The following CHSY3 variants were observed in gnomAD, a reference collection of about 807,000 sequenced individuals.
The protein encoded by CHSY3 is N-acetylgalactosaminyl-proteoglycan 3-beta-glucuronosyltransferase 3.
CHSY3 carries 35 observed loss-of-function variants against 67.2 expected under a neutral mutation model. The observed-to-expected ratio is 0.52, with a 90% CI of 0.40 to 0.69. The LOEUF (loss-of-function observed/expected upper bound fraction) is 0.69. CHSY3 is among the 30% of genes least tolerant of loss of function. The pLI is 0.00. For synonymous variants in CHSY3, 474 were observed against 434.7 expected (o/e 1.09, Z -1.12); for missense variants, 1,069 against 1,138.5 (o/e 0.94, Z 0.88).
At chr5:130,003,364 GTTTA>G in intron 2 of CHSY3, among the ~76,000 whole-genome samples, 2 of 152,260 alleles carry the variant, frequency 1.3e-5, no homozygotes, top group Admixed American at 1.3e-4. Context: ...TCCCTTTGGG[GTTTA>G]TTATGGTCAG....
intron 2 of CHSY3, among the ~76,000 whole-genome samples, chr5:130,014,204 T>C (rs1367140905): frequency 6.6e-6 from 1 of 152,186 alleles, no homozygotes; most frequent in Non-Finnish European, 1.5e-5. Flanking sequence ...CCCACATTTT[T>C]CTGTCTTCTT....
chr5:130,046,104 A>G (rs1765139461), intron 2 of CHSY3, among the ~76,000 whole-genome samples: 1 of 152,128 alleles, frequency 6.6e-6, no homozygotes, highest in South Asian at 2.1e-4. Context: ...GAAAACTACC[A>G]TATTAAAGGG....
intron 2 of CHSY3, among the ~76,000 whole-genome samples, chr5:129,936,468 C>G (rs1010409484): frequency 6.6e-6 from 1 of 152,034 alleles, no homozygotes; most frequent in African/African-American, 2.4e-5. Flanking sequence ...ACTCACCAGA[C>G]CTTAGTCACC....
chr5:130,119,122 A>G (rs1205370948), intron 2 of CHSY3, among the ~76,000 whole-genome samples: 2 of 152,180 alleles, frequency 1.3e-5, no homozygotes, highest in Admixed American at 6.5e-5. Flanking sequence ...GAGGGTATCA[A>G]ACCCTCTCAT....
chr5:129,996,118 G>A (rs989836723), intron 2 of CHSY3, among the ~76,000 whole-genome samples: 3 of 152,126 alleles, frequency 2.0e-5, no homozygotes, highest in African/African-American at 7.2e-5. Context: ...TCTTAAAAAT[G>A]GGGTAATAAT....
chr5:130,045,441 G>C (rs780188615), intron 2 of CHSY3, among the ~76,000 whole-genome samples: 4 of 152,028 alleles, frequency 2.6e-5, no homozygotes, highest in Admixed American at 2.6e-4. Flanking sequence ...GTGGAGATGT[G>C]AATGAGGGGA....
chr5:130,026,680 C>T (rs745585280), intron 2 of CHSY3, among the ~76,000 whole-genome samples: 8 of 152,166 alleles, frequency 5.3e-5, no homozygotes, highest in African/African-American at 1.4e-4. Flanking sequence ...TTTTATATTA[C>T]ATTGTGTTTT....
intron 2 of CHSY3, among the ~76,000 whole-genome samples, chr5:129,976,770 TA>T (rs949591792): frequency 4.6e-5 from 7 of 151,962 alleles, no homozygotes; most frequent in African/African-American, 1.7e-4. Context: ...AAACATTTGT[TA>T]AAAAGAGAGT....
intron 2 of CHSY3, among the ~76,000 whole-genome samples, chr5:129,989,837 T>C (rs541181784): frequency 6.6e-6 from 1 of 152,206 alleles, no homozygotes; most frequent in Non-Finnish European, 1.5e-5. Context: ...AATCTTATTC[T>C]GTAAACAGAT....
Position 130,013,006 on chromosome 5 carries a change from G to C in CHSY3, c.1086+104646G>C, listed in dbSNP as rs188029494. Among the ~76,000 whole-genome samples, 173 of 151,002 alleles carry C rather than the reference G, an allele frequency of 1.1e-3. 2 individuals are homozygous for C. The highest frequency in any genetic ancestry group is 2.4e-4 in the Non-Finnish European group (16 of 67,934). ...AGATACAATGAGGGTACAGGCATTG[G>C]GTAAATGCACCCATTCCAAATTAGA... On this transcript the variant is annotated intron_variant, in intron 2 of 2. Transcript: ENST00000305031.
At chr5:130,153,819 GT>G (rs1047224990) in intron 2 of CHSY3, among the ~76,000 whole-genome samples, 1 of 151,778 alleles carries the variant, frequency 6.6e-6, no homozygotes, top group Admixed American at 6.6e-5. Context: ...TTTGTTTTTC[GT>G]TTTTTTGTTT....
chr5:130,143,766 G>A (rs1314433016), intron 2 of CHSY3, among the ~76,000 whole-genome samples: 26 of 96,362 alleles, frequency 2.7e-4, no homozygotes, highest in African/African-American at 1.1e-3. Context: ...ATGTGTGTGT[G>A]TGTATATATA....
At position 130,051,852 on chromosome 5, in the gene CHSY3, A is replaced by G. The variant is rs1458546399; in HGVS notation, c.1087-132377A>G. Among the ~76,000 whole-genome samples, 9 of 151,912 alleles carry G rather than the reference A, an allele frequency of 5.9e-5. No individual in the cohort carries two copies. In the South Asian group the frequency reaches 1.7e-3, roughly 28 times the overall value. On this transcript the variant is annotated intron_variant, in intron 2 of 2. Transcript: ENST00000305031. ...AATTTGAGTTGCCAGAGAAGGTGAC[A>G]GGCATTTAAATTAGATGCAGTACAT...
At chr5:130,130,409 C>T (rs1378092032) in intron 2 of CHSY3, among the ~76,000 whole-genome samples, 1 of 152,128 alleles carries the variant, frequency 6.6e-6, no homozygotes, top group African/African-American at 2.4e-5. Flanking sequence ...GGTTCCTTCC[C>T]TAGCTTTCAC....
Position 129,979,187 on chromosome 5 carries a change from G to A in CHSY3, c.1086+70827G>A, listed in dbSNP as rs549623395. ...TGCACTCCAGCCTGGGTGAGACAGCGAGACTCCGTCTCAAAAAAAAAAAAA... is the reference window on the plus strand; with the variant it reads ...TGCACTCCAGCCTGGGTGAGACAGCAAGACTCCGTCTCAAAAAAAAAAAAA... On this transcript the variant is annotated intron_variant, in intron 2 of 2. Transcript: ENST00000305031. 1.6e-4 allele frequency among the ~76,000 whole-genome samples: 17 copies of A among 109,332 alleles called. No individual in the cohort carries two copies. The Admixed American group carries it at 2.3e-3, about 15-fold the overall frequency. The allele number at this position is 109,332 out of a possible 152,430, so 71.7% of individuals were successfully genotyped here.
intron 2 of CHSY3, among the ~76,000 whole-genome samples, chr5:130,128,338 AGCCTTAAAAAATAAGGAAGTC>A (rs1365349731): frequency 6.6e-6 from 1 of 151,980 alleles, no homozygotes; most frequent in East Asian, 1.9e-4. Context: ...AATAGTATAC[AGCCTTAAAAAATAAGGAAGTC>A]CTGCCATTTG....
intron 2 of CHSY3, among the ~76,000 whole-genome samples, chr5:130,147,152 A>T (rs1351175891): frequency 6.6e-6 from 1 of 152,150 alleles, no homozygotes; most frequent in African/African-American, 2.4e-5. Context: ...GATATATCTG[A>T]GATCCAAAGA....
chr5:130,080,148 G>C (rs1390535888), intron 2 of CHSY3, among the ~76,000 whole-genome samples: 1 of 151,634 alleles, frequency 6.6e-6, no homozygotes, highest in Non-Finnish European at 1.5e-5. Context: ...TCATGCTACT[G>C]TTTCTGCAAG....
intron 2 of CHSY3, among the ~76,000 whole-genome samples, chr5:129,955,892 T>G (rs960152032): frequency 6.6e-6 from 1 of 152,224 alleles, no homozygotes; most frequent in Non-Finnish European, 1.5e-5. Flanking sequence ...TATGGCTGCA[T>G]AGTATTCCAT....
Sources: gnomAD v4.1 joint callset for allele counts (sites outside exome capture counted in the v4.1 genomes callset) on GRCh38, gnomAD v4.1.1 for gene constraint, MANE v1.5 for transcripts, NCBI Gene and HGNC (gene_info 2026-07-23, HGNC 2026-07-21) for gene names.